The following PSMA1 variants were observed in gnomAD, a reference collection of about 807,000 sequenced individuals.
PSMA1 encodes proteasome subunit alpha type-1.
PSMA1 carries 3 observed loss-of-function variants against 38.4 expected under a neutral mutation model. The ratio of observed to expected loss-of-function variants is 0.08; its 90% CI spans 0.04 to 0.20. PSMA1 has a LOEUF of 0.20. PSMA1 is among the 10% of genes least tolerant of loss of function. The pLI is 1.00. For missense variants in PSMA1, 227 were observed against 325.3 expected, an observed-to-expected ratio of 0.70 and a Z score of 2.32; for synonymous variants, 101 against 107.1, an observed-to-expected ratio of 0.94 and a Z score of 0.35.
At chr11:14,633,783 CAGTG>C (rs990127759) in intron 1 of PSMA1, among the ~76,000 whole-genome samples, 1 of 152,194 alleles carries the variant, frequency 6.6e-6, no homozygotes, top group African/African-American at 2.4e-5. Context: ...TGCTAGCAAT[CAGTG>C]AGACTCTGTG....
intron 2 of PSMA1, among the ~76,000 whole-genome samples, chr11:14,560,192 A>C (rs1851992428): frequency 6.6e-6 from 1 of 152,204 alleles, no homozygotes; most frequent in Non-Finnish European, 1.5e-5. Flanking sequence ...CTGAGTGGCA[A>C]ACCACAGCAT....
At chr11:14,642,663 G>A (rs1205604082) in intron 1 of PSMA1, among the ~76,000 whole-genome samples, 1 of 152,160 alleles carries the variant, frequency 6.6e-6, no homozygotes, top group African/African-American at 2.4e-5. Flanking sequence ...AATGCAGTCC[G>A]GTCATGAGGT....
chr11:14,619,879 G>T (rs1852820697), intron 1 of PSMA1, among the ~76,000 whole-genome samples: 2 of 152,208 alleles, frequency 1.3e-5, no homozygotes, highest in Admixed American at 1.3e-4. Context: ...TATCTTTATT[G>T]TAATAATCAT....
At chr11:14,634,628 G>A (rs995719921) in intron 1 of PSMA1, among the ~76,000 whole-genome samples, 14 of 152,050 alleles carry the variant, frequency 9.2e-5, no homozygotes, top group African/African-American at 3.4e-4. Context: ...ACAGGCATGA[G>A]CCACCGTGCA....
rs139269997 is a variant in PSMA1 at position 14,526,459 on chromosome 11, C to T, written c.22-7418G>A. 6.0e-3 allele frequency among the ~76,000 whole-genome samples: 909 copies of T among 152,298 alleles called. 6 individuals carry two copies. The highest frequency in any genetic ancestry group is 0.02 in the African/African-American group (832 of 41,558). ...AACAACTTGACCTTACTGTTTTAGG[C>T]TGGCCATCATGTCTCCGTGCAGTGG... On this transcript the variant is annotated intron_variant, in intron 2 of 10. Transcript: ENST00000418988.
chr11:14,605,006 G>C (rs1852625511), intron 2 of PSMA1, among the ~76,000 whole-genome samples: 1 of 152,146 alleles, frequency 6.6e-6, no homozygotes, highest in South Asian at 2.1e-4. Flanking sequence ...ATAGTGCTGT[G>C]ATGAACATGA....
chr11:14,510,416 GCT>G (rs1851325525), intron 8 of PSMA1, among the ~76,000 whole-genome samples: 1 of 151,674 alleles, frequency 6.6e-6, no homozygotes, highest in South Asian at 2.1e-4. Flanking sequence ...TCCTTTTAAC[GCT>G]TTTTTATTTT....
chr11:14,530,047 C>T (rs992404108), intron 2 of PSMA1, among the ~76,000 whole-genome samples: 3 of 152,196 alleles, frequency 2.0e-5, no homozygotes, highest in African/African-American at 7.2e-5. Flanking sequence ...TAGGCGAATA[C>T]AGTGCCTGTA....
chr11:14,634,289 T>C (rs188315700), intron 1 of PSMA1, among the ~76,000 whole-genome samples: 14 of 152,322 alleles, frequency 9.2e-5, no homozygotes, highest in Admixed American at 2.0e-4. Flanking sequence ...GTATTACAGT[T>C]ATTTGTGTAT....
chr11:14,558,854 C>T (rs1345703627), intron 2 of PSMA1, among the ~76,000 whole-genome samples: 1 of 152,216 alleles, frequency 6.6e-6, no homozygotes, highest in Non-Finnish European at 1.5e-5. Flanking sequence ...CACATTACTA[C>T]ACGAAATATA....
At chr11:14,525,789 C>A (rs1851579293) in intron 2 of PSMA1, among the ~76,000 whole-genome samples, 1 of 152,210 alleles carries the variant, frequency 6.6e-6, no homozygotes, top group African/African-American at 2.4e-5. Flanking sequence ...TGACACCCAT[C>A]AGTCCCAGCA....
chr11:14,588,927 T>A (rs562331539), intron 2 of PSMA1, among the ~76,000 whole-genome samples: 1 of 152,310 alleles, frequency 6.6e-6, no homozygotes, highest in South Asian at 2.1e-4. Flanking sequence ...CCTGGAGGAA[T>A]TTTATTCCAG....
At chr11:14,552,914 T>C (rs1460080532) in intron 2 of PSMA1, among the ~76,000 whole-genome samples, 3 of 150,136 alleles carry the variant, frequency 2.0e-5, no homozygotes, top group Admixed American at 6.7e-5. Context: ...GCAGCCACAA[T>C]TTCCTGGGCT....
At chr11:14,633,851 T>G (rs1408869502) in intron 1 of PSMA1, among the ~76,000 whole-genome samples, 1 of 152,156 alleles carries the variant, frequency 6.6e-6, no homozygotes, top group Admixed American at 6.5e-5. Context: ...TGCGCCGTTT[T>G]TTAAGTCCGT....
At chr11:14,640,019 T>C (rs2133728263) in intron 1 of PSMA1, among the ~76,000 whole-genome samples, 1 of 152,270 alleles carries the variant, frequency 6.6e-6, no homozygotes, top group Admixed American at 6.5e-5. Flanking sequence ...TCTTCACCAT[T>C]ATATCTTTGT....
At chr11:14,540,171 C>G (rs1851757601) in intron 2 of PSMA1, among the ~76,000 whole-genome samples, 1 of 152,154 alleles carries the variant, frequency 6.6e-6, no homozygotes, top group South Asian at 2.1e-4. Context: ...TTTTCAGCTT[C>G]CCTACTTGCT....
At chr11:14,584,881 G>A (rs1159801376) in intron 2 of PSMA1, among the ~76,000 whole-genome samples, 1 of 152,220 alleles carries the variant, frequency 6.6e-6, no homozygotes, top group African/African-American at 2.4e-5. Flanking sequence ...GTCCCATGAC[G>A]AGGATCAGAT....
At chr11:14,583,290 C>T (rs535195708) in intron 2 of PSMA1, among the ~76,000 whole-genome samples, 1 of 152,290 alleles carries the variant, frequency 6.6e-6, no homozygotes, top group Admixed American at 6.5e-5. Flanking sequence ...GACAGTACAT[C>T]ACACATGAGG....
upstream of PSMA1, among the ~76,000 whole-genome samples, chr11:14,524,785 C>T (rs1486273218): frequency 1.3e-5 from 2 of 152,156 alleles, no homozygotes; most frequent in Non-Finnish European, 2.9e-5. Flanking sequence ...CCTATGACCT[C>T]GGGTCCTCAG....
Sources: allele counts gnomAD v4.1 joint callset (sites outside exome capture counted in the v4.1 genomes callset), GRCh38; gene constraint gnomAD v4.1.1; transcripts MANE v1.5; gene names NCBI Gene and HGNC (gene_info 2026-07-23, HGNC 2026-07-21).